The following MED25 variants were observed in gnomAD, a reference collection of about 807,000 sequenced individuals.
MED25 encodes mediator complex subunit 25.
MED25 carries 62 observed loss-of-function variants against 89.4 expected under a neutral mutation model. That is an observed-to-expected ratio of 0.69 (90% CI 0.57 to 0.86). The LOEUF (loss-of-function observed/expected upper bound fraction) is 0.86. Among genes scored for constraint, MED25 ranks in the 40% least tolerant of loss-of-function variants. MED25 has a pLI of 0.00. For missense variants in MED25, 905 were observed against 1,005.2 expected, an observed-to-expected ratio of 0.90 and a Z score of 1.35; for synonymous variants, 449 against 427.9, an observed-to-expected ratio of 1.05 and a Z score of -0.61.
intron 3 of MED25, 91 bp downstream of exon 3, chr19:49,819,387 G>A (rs1054205226): frequency 6.7e-7 from 1 of 1,485,122 alleles, no homozygotes; most frequent in Non-Finnish European, 9.2e-7. Flanking sequence ...CCCCGTGAGA[G>A]GCTGTGAATA....
In MED25 at chr19:49,818,556, T is replaced by C. The variant is rs1256237742; in HGVS notation, c.135-15T>C. ...TTCTTGCCTGACTCCGACCTTTCACTTCCTACCCTCACAGGTATTTTAATG... is the reference window on the plus strand; with the variant it reads ...TTCTTGCCTGACTCCGACCTTTCACCTCCTACCCTCACAGGTATTTTAATG... On this transcript the variant is annotated splice_polypyrimidine_tract_variant and intron_variant, in intron 1 of 17. Transcript: ENST00000312865. 2 of 1,614,182 alleles carry C rather than the reference T, an allele frequency of 1.2e-6. No homozygotes were observed. Among genetic ancestry groups the C allele is most frequent in the Middle Eastern group, 1.6e-4 (1 of 6,062 alleles).
At position 49,831,444 on chromosome 19, in the gene MED25, G is replaced by A. The variant is rs748604318; in HGVS notation, c.1213G>A (p.Val405Ile). The change falls in exon 10 of 18, where the codon GTC becomes ATC. Residue 405 changes from valine (V) to isoleucine (I), a missense_variant. Val to Ile is a conservative substitution (Grantham distance 29). This residue lies in a region of MED25 where 133 missense variants were observed against 220.2 expected (regional missense o/e 0.60). Coordinates refer to ENST00000312865, the MANE Select transcript of MED25 (RefSeq NM_030973.4). The surrounding 1 kb of genome is among the most constrained non-coding windows in gnomAD (Gnocchi z 5.0). The stretch of plus-strand genomic sequence containing the variant: ...CAATAAGCTTCTGGCCTGGAGCGGG[G>A]TCCTGGAGTGGCAAGAGGTGAGGGG... The part of the protein sequence containing the change: ...VSNKLLAWSG[V>I]LEWQEKPKPA... 6.2e-7 allele frequency: 1 copy of A among 1,612,586 alleles called. No homozygotes were observed. The highest frequency in any genetic ancestry group is 8.5e-7 in the Non-Finnish European group (1 of 1,179,486).
At chr19:49,833,258 C>T (rs1411177027) in intron 13 of MED25, 1 of 152,316 alleles carries the variant, frequency 6.6e-6, no homozygotes, top group Non-Finnish European at 1.5e-5. Flanking sequence ...AGGCATGTGC[C>T]ACTATGCCCA....
Position 49,836,801 on chromosome 19 carries a change from C to A in MED25, c.2147-46C>A. On this transcript the variant is annotated intron_variant, in intron 17 of 17. Coordinates refer to ENST00000312865, the MANE Select transcript of MED25 (RefSeq NM_030973.4). The surrounding 1 kb of genome is among the most constrained non-coding windows in gnomAD (Gnocchi z 5.1). ...TTAGTGCCTCTGGGCCCTCCTGGGC[C>A]CAAGGGCCTACTGGGAGATGCAGTC... 6.7e-7 allele frequency: 1 copy of A among 1,495,092 alleles called. No individual in the cohort carries two copies. The highest frequency in any genetic ancestry group is 9.3e-7 in the Non-Finnish European group (1 of 1,078,788). The allele number at this position is 1,495,092 out of a possible 1,614,324, so 92.6% of individuals were successfully genotyped here.
At chr19:49,818,811 C>A in intron 2 of MED25, 195 bp downstream of exon 2, 1 of 631,172 alleles carries the variant, frequency 1.6e-6, no homozygotes, top group Non-Finnish European at 2.7e-6. Context: ...GCGCTGGGGC[C>A]CGGATTCCTG....
rs1280659782 is a variant in MED25 at position 49,830,735 on chromosome 19, G to T, written c.949G>T (p.Gly317Cys). The change falls in exon 9 of 18, where the codon GGT (glycine) becomes TGT (cysteine). Residue 317 changes from glycine (G) to cysteine (C), a missense_variant. Coordinates refer to ENST00000312865, the MANE Select transcript of MED25 (RefSeq NM_030973.4). The surrounding 1 kb of genome is among the most constrained non-coding windows in gnomAD (Gnocchi z 4.6). The stretch of plus-strand genomic sequence containing the variant: ...TCTCCAACAAGCTGCTCCCGGAGTG[G>T]GTCCCCCCTTCAGCCAGGCCCCAGC... ...TPLQQAAPGV[G>C]PPFSQAPAPQ... 1.4e-5 allele frequency: 23 copies of T among 1,613,756 alleles called. 1 individual carries two copies. The Middle Eastern group carries it at 1.5e-3, about 104-fold the overall frequency.
chr19:49,830,820 G>T lies in MED25; in HGVS notation c.1034G>T (p.Ser345Ile). Residue 345 changes from serine to isoleucine, a missense_variant, in exon 9 of 18, where the codon AGT (serine) becomes ATT (isoleucine). Transcript: ENST00000312865. This position sits in a 1 kb window ranked among gnomAD's most constrained non-coding sequence, Gnocchi z 4.6. ...APKPPPASQPSLVSTVAPGSG... is the reference protein window; with the variant it reads ...APKPPPASQPILVSTVAPGSG... ...AAGCCACCACCTGCTTCCCAGCCCAGTCTGGTCTCCACTGTGGCCCCTGGC... is the reference window on the plus strand; with the variant it reads ...AAGCCACCACCTGCTTCCCAGCCCATTCTGGTCTCCACTGTGGCCCCTGGC... 1 of 1,613,258 alleles carries T rather than the reference G, an allele frequency of 6.2e-7. No individual in the cohort carries two copies. Among genetic ancestry groups the T allele is most frequent in the Non-Finnish European group, 8.5e-7 (1 of 1,179,882 alleles).
intron 3 of MED25, among the ~76,000 whole-genome samples, chr19:49,822,500 C>G (rs1234061250): frequency 1.3e-5 from 2 of 151,916 alleles, no homozygotes; most frequent in East Asian, 1.9e-4. Flanking sequence ...GTTTTGAACT[C>G]CTGGTCTCAA....
In MED25 at chr19:49,831,711, G is replaced by T. The variant is rs1319321267; in HGVS notation, c.1231-225G>T. Among the ~76,000 whole-genome samples the T allele has an allele frequency of 6.6e-6, 1 of 152,124 alleles. No individual in the cohort carries two copies. Among genetic ancestry groups the T allele is most frequent in the Middle Eastern group, 3.2e-3 (1 of 316 alleles). On this transcript the variant is annotated intron_variant, in intron 10 of 17. Coordinates refer to ENST00000312865, the MANE Select transcript of MED25 (RefSeq NM_030973.4). This position sits in a 1 kb window ranked among gnomAD's most constrained non-coding sequence, Gnocchi z 5.0. ...TTGGGGCCCAGAGAAGAGCCCAGGCGATGTATCATCTGGGGCACAGTGGAT... is the reference window on the plus strand; with the variant it reads ...TTGGGGCCCAGAGAAGAGCCCAGGCTATGTATCATCTGGGGCACAGTGGAT...
intron 3 of MED25, among the ~76,000 whole-genome samples, chr19:49,820,964 T>C (rs2073977647): frequency 6.6e-6 from 1 of 152,252 alleles, no homozygotes; most frequent in Admixed American, 6.5e-5. Context: ...TTACTTATTC[T>C]TAGCTGTATA....
chr19:49,830,625 C>T lies in MED25; in HGVS notation c.907+27C>T, dbSNP rs748403553. On this transcript the variant is annotated intron_variant, in intron 8 of 17. Coordinates refer to ENST00000312865, the MANE Select transcript of MED25 (RefSeq NM_030973.4). The surrounding 1 kb of genome is among the most constrained non-coding windows in gnomAD (Gnocchi z 4.6). ...TGAGTCCTGGAGTGAGGATGAAGGG[C>T]GGGCAGGGGCCAGGCAGGCCTCTCT... The T allele has an allele frequency of 3.8e-5, 62 of 1,613,006 alleles. No homozygotes were observed. Among genetic ancestry groups the T allele is most frequent in the African/African-American group, 1.1e-4 (8 of 74,882 alleles).
At chr19:49,820,775 G>A (rs538602916) in intron 3 of MED25, among the ~76,000 whole-genome samples, 3 of 152,202 alleles carry the variant, frequency 2.0e-5, no homozygotes, top group South Asian at 4.2e-4. Flanking sequence ...CACCACGCCT[G>A]GCGCTGGATC....
In MED25 at chr19:49,835,401, C is replaced by T; in HGVS notation, c.1675-133C>T. 9.7e-7 allele frequency: 1 copy of T among 1,033,320 alleles called. No individual in the cohort carries two copies. Among genetic ancestry groups the T allele is most frequent in the Non-Finnish European group, 1.4e-6 (1 of 703,620 alleles). 64.0% of individuals were successfully genotyped at this position (1,033,320 alleles called of 1,614,324 possible). A position where few individuals can be genotyped will look rare whatever the true frequency, so the allele number is the denominator to read the frequency against. On this transcript the variant is annotated intron_variant, in intron 14 of 17. Transcript: ENST00000312865. This position sits in a 1 kb window ranked among gnomAD's most constrained non-coding sequence, Gnocchi z 6.2. ...GGAGACCTTGGAGTGTACGGCATCC[C>T]TCCCAGACCACTCACCCCCAAAGAG... is the stretch of plus-strand genomic sequence containing the variant.
chr19:49,819,329 G>C, intron 3 of MED25, 33 bp downstream of exon 3: 1 of 1,610,184 alleles, frequency 6.2e-7, no homozygotes, highest in Non-Finnish European at 8.5e-7. Flanking sequence ...TGGGTTGCTG[G>C]TCCCTGTGAG....
At position 49,830,453 on chromosome 19, in the gene MED25, C is replaced by A; in HGVS notation, c.820-58C>A. On this transcript the variant is annotated intron_variant, in intron 7 of 17. Transcript: ENST00000312865. The surrounding 1 kb of genome is among the most constrained non-coding windows in gnomAD (Gnocchi z 4.6). The stretch of plus-strand genomic sequence containing the variant: ...TGGGTGGTGTGACCTCGTGGGATAC[C>A]AGGACTGGGGGGCCATGGTCCTCAC... The A allele has an allele frequency of 6.4e-7, 1 of 1,561,136 alleles. No homozygotes were observed.
Position 49,836,173 on chromosome 19 carries a change from G to C in MED25, c.1966-53G>C. On this transcript the variant is annotated intron_variant, in intron 16 of 17. Transcript: ENST00000312865. This position sits in a 1 kb window ranked among gnomAD's most constrained non-coding sequence, Gnocchi z 5.1. ...CATCTCTGAGCAGTGTCTGTGTTGA[G>C]AGGTGGGGAGTCTCTACCAGGAGCC... 6.3e-7 allele frequency: 1 copy of C among 1,586,284 alleles called. No homozygotes were observed. The highest frequency in any genetic ancestry group is 1.1e-5 in the South Asian group (1 of 89,728).
At chr19:49,820,844 T>C (rs999822057) in intron 3 of MED25, among the ~76,000 whole-genome samples, 5 of 152,240 alleles carry the variant, frequency 3.3e-5, no homozygotes, top group Non-Finnish European at 2.9e-5. Flanking sequence ...AAATCCTGGC[T>C]CTTCCAGCAC....
In MED25 at chr19:49,836,731, C is replaced by A; in HGVS notation, c.2147-116C>A. 1.3e-6 allele frequency: 1 copy of A among 797,798 alleles called. No homozygotes were observed. Among genetic ancestry groups the A allele is most frequent in the South Asian group, 1.5e-5 (1 of 68,776 alleles). 49.4% of individuals were successfully genotyped at this position (797,798 alleles called of 1,614,324 possible). A position where few individuals can be genotyped will look rare whatever the true frequency, so the allele number is the denominator to read the frequency against. The stretch of plus-strand genomic sequence containing the variant: ...ACAGCATATTTGTAACTAGATGGGG[C>A]CAGAAGGTGCTTCTGTTGGGTCCCC... On this transcript the variant is annotated intron_variant, in intron 17 of 17. Transcript: ENST00000312865. The surrounding 1 kb of genome is among the most constrained non-coding windows in gnomAD (Gnocchi z 5.1).
rs1555801360 is a variant in MED25, at chr19:49,821,836, AAT to A, written c.305+2541_305+2542del. ...TGTCTCAAAAAAAAAAAAAAAAAAA[AAT>A]TTTGTAGTGGCGGGGCACGGTGGCT... On this transcript the variant is annotated intron_variant, in intron 3 of 17. Coordinates refer to ENST00000312865, the MANE Select transcript of MED25 (RefSeq NM_030973.4). 1.0e-4 allele frequency among the ~76,000 whole-genome samples: 15 copies of A among 148,982 alleles called. 2 individuals are homozygous for A. The highest frequency in any genetic ancestry group is 8.7e-4 in the Admixed American group (13 of 14,886).
Sources: gnomAD v4.1 joint callset for allele counts (sites outside exome capture counted in the v4.1 genomes callset) on GRCh38, gnomAD v4.1.1 for gene constraint, gnomAD v4.1.1 regional missense constraint, Gnocchi (gnomAD v3.1) non-coding constraint, MANE v1.5 for transcripts, NCBI Gene and HGNC (gene_info 2026-07-23, HGNC 2026-07-21) for gene names.